Variants in ATP9B observed in about 807,000 individuals in gnomAD.
ATP9B encodes the protein ATPase phospholipid transporting 9B.
In ATP9B, 110 loss-of-function variants were observed where a neutral mutation model predicts 146.1. That is an observed-to-expected ratio of 0.75 (90% CI 0.65 to 0.88). ATP9B has a LOEUF of 0.88. Ranked by LOEUF, ATP9B falls within the 40% of genes least tolerant of loss-of-function variation. ATP9B has a pLI of 0.00. For missense variants in ATP9B, 1,499 were observed against 1,496.4 expected (o/e 1.00, Z -0.03); for synonymous variants, 604 against 569.7 (o/e 1.06, Z -0.86).
intron 11 of ATP9B, among the ~76,000 whole-genome samples, chr18:79,250,781 G>A (rs1327560411): frequency 6.6e-6 from 1 of 152,196 alleles, no homozygotes; most frequent in Non-Finnish European, 1.5e-5. Context: ...TTCAGAACTG[G>A]TTGAGTACCG....
Position 79,107,122 on chromosome 18 carries a change from T to G in ATP9B, c.294-3233T>G, listed in dbSNP as rs543428569. Among the ~76,000 whole-genome samples, 13 of 152,346 alleles carry G rather than the reference T, an allele frequency of 8.5e-5. No homozygotes were observed. In the South Asian group the frequency reaches 2.7e-3, roughly 32 times the overall value. ...ATCTGAGTCCGTTCCTGAAGAATTTTGCTCTATTTGAAATGCTGAAGAGAA... is the reference window on the plus strand; with the variant it reads ...ATCTGAGTCCGTTCCTGAAGAATTTGGCTCTATTTGAAATGCTGAAGAGAA... On this transcript the variant is annotated intron_variant, in intron 2 of 29. Coordinates refer to ENST00000426216, the MANE Select transcript of ATP9B (RefSeq NM_198531.5).
chr18:79,111,199 A>G (rs753815074), intron 3 of ATP9B, among the ~76,000 whole-genome samples: 3 of 152,156 alleles, frequency 2.0e-5, no homozygotes, highest in Admixed American at 6.5e-5. Context: ...TCCTTATTTT[A>G]ATAGATTTAT....
chr18:79,203,719 G>A (rs1384170064), intron 9 of ATP9B, among the ~76,000 whole-genome samples: 1 of 152,214 alleles, frequency 6.6e-6, no homozygotes, highest in African/African-American at 2.4e-5. Flanking sequence ...AGGGAATTCA[G>A]TATTTGGCTT....
chr18:79,297,556 G>A (rs767687139), intron 13 of ATP9B, among the ~76,000 whole-genome samples: 1 of 152,236 alleles, frequency 6.6e-6, no homozygotes, highest in Non-Finnish European at 1.5e-5. Flanking sequence ...AATGGGATGT[G>A]GAATTCCATG....
chr18:79,214,064 T>G (rs1432769411), intron 11 of ATP9B, 26 bp downstream of exon 11: 1 of 1,513,220 alleles, frequency 6.6e-7, no homozygotes, highest in South Asian at 1.2e-5. Flanking sequence ...GAGCAACTGC[T>G]TTAATGAACT....
chr18:79,293,927 T>C (rs2096529176), intron 13 of ATP9B, among the ~76,000 whole-genome samples: 1 of 152,142 alleles, frequency 6.6e-6, no homozygotes, highest in Non-Finnish European at 1.5e-5. Context: ...AGCTATCTGG[T>C]CTCCAGTATT....
At chr18:79,150,268 A>G (rs2094665435) in intron 6 of ATP9B, among the ~76,000 whole-genome samples, 2 of 152,214 alleles carry the variant, frequency 1.3e-5, no homozygotes, top group South Asian at 4.1e-4. Context: ...TGCTTGTGGA[A>G]ATACAAATAA....
chr18:79,285,639 A>G (rs1028701961), intron 13 of ATP9B, among the ~76,000 whole-genome samples: 5 of 150,604 alleles, frequency 3.3e-5, no homozygotes, highest in African/African-American at 1.3e-4. Context: ...CCATTTGTCA[A>G]TTTTGGCTTT....
chr18:79,308,674 TGGTG>T (rs2096632756), intron 15 of ATP9B, among the ~76,000 whole-genome samples: 1 of 81,820 alleles, frequency 1.2e-5, no homozygotes, highest in African/African-American at 4.5e-5. Context: ...AGGTCAGGGG[TGGTG>T]GAGTGATCCC....
intron 19 of ATP9B, among the ~76,000 whole-genome samples, chr18:79,341,557 T>G (rs4798904): frequency 9.9e-5 from 12 of 121,558 alleles, no homozygotes; most frequent in Admixed American, 3.4e-4. Context: ...GTTGTGGTTG[T>G]ATGTGTGTAG....
chr18:79,219,127 G>A (rs891459460), intron 11 of ATP9B, among the ~76,000 whole-genome samples: 1 of 152,206 alleles, frequency 6.6e-6, no homozygotes, highest in African/African-American at 2.4e-5. Flanking sequence ...AAGTAGAAAA[G>A]AGGTTGGTAA....
At chr18:79,312,824 G>A (rs8086109) in intron 15 of ATP9B, among the ~76,000 whole-genome samples, 8,443 of 152,254 alleles carry the variant, frequency 0.055, 432 homozygotes, top group African/African-American at 0.14. Context: ...GTGAAATTAC[G>A]ATAAAGAACT....
intron 10 of ATP9B, among the ~76,000 whole-genome samples, chr18:79,211,842 G>A (rs920787303): frequency 2.0e-5 from 3 of 152,168 alleles, no homozygotes; most frequent in Non-Finnish European, 4.4e-5. Flanking sequence ...TCTCCAGTTG[G>A]AGCGCGTTGT....
intron 11 of ATP9B, among the ~76,000 whole-genome samples, chr18:79,231,116 C>G (rs2095787248): frequency 6.6e-6 from 1 of 152,074 alleles, no homozygotes; most frequent in South Asian, 2.1e-4. Context: ...ACCAAGAACC[C>G]AAAAGCAAAT....
intron 1 of ATP9B, among the ~76,000 whole-genome samples, chr18:79,083,588 G>A (rs141182849): frequency 2.3e-4 from 35 of 152,300 alleles, no homozygotes; most frequent in African/African-American, 8.4e-4. Context: ...CATGGGAAGT[G>A]CGTAGTATCT....
chr18:79,259,763 G>A (rs1369770216), intron 12 of ATP9B, among the ~76,000 whole-genome samples: 3 of 152,236 alleles, frequency 2.0e-5, no homozygotes, highest in Non-Finnish European at 4.4e-5. Flanking sequence ...CTGGATTTAG[G>A]AGAGAACTTT....
intron 13 of ATP9B, 107 bp downstream of exon 13, chr18:79,277,303 A>G: frequency 7.4e-7 from 1 of 1,351,326 alleles, no homozygotes; most frequent in Non-Finnish European, 1.0e-6. Context: ...ATGTGTATGT[A>G]TTGGAACAGA....
intron 1 of ATP9B, among the ~76,000 whole-genome samples, chr18:79,076,659 G>T (rs997252678): frequency 5.9e-5 from 9 of 152,086 alleles, no homozygotes; most frequent in Admixed American, 1.3e-4. Context: ...CCTGTTTAGG[G>T]TTTGCTTAGT....
intron 12 of ATP9B, among the ~76,000 whole-genome samples, chr18:79,264,403 A>G (rs950867642): frequency 3.9e-5 from 6 of 152,142 alleles, no homozygotes; most frequent in African/African-American, 1.2e-4. Context: ...GCAGTTATTT[A>G]TATATTTTAG....
Sources: allele counts gnomAD v4.1 joint callset (sites outside exome capture counted in the v4.1 genomes callset), GRCh38; gene constraint gnomAD v4.1.1; transcripts MANE v1.5; gene names NCBI Gene and HGNC (gene_info 2026-07-23, HGNC 2026-07-21).